Variants in SLC66A3 observed in about 807,000 individuals in gnomAD.
The protein encoded by SLC66A3 is solute carrier family 66 member 3.
SLC66A3 carries 23 observed loss-of-function variants against 25.5 expected under a neutral mutation model. The ratio of observed to expected loss-of-function variants is 0.90; its 90% CI spans 0.65 to 1.28. SLC66A3 has a LOEUF of 1.28. Among genes scored for constraint, SLC66A3 ranks in the 50% most tolerant of loss-of-function variants. SLC66A3 has a pLI of 0.00. For synonymous variants in SLC66A3, 108 were observed against 112.6 expected (o/e 0.96, Z 0.26); for missense variants, 246 against 262.1 (o/e 0.94, Z 0.42).
chr2:11,160,862 C>T, intron 3 of SLC66A3, 168 bp downstream of exon 3: 3 of 1,108,828 alleles, frequency 2.7e-6, no homozygotes, highest in Non-Finnish European at 3.8e-6. Flanking sequence ...GAGATGCCCT[C>T]AGTACAGCCC....
intron 1 of SLC66A3, among the ~76,000 whole-genome samples, chr2:11,156,353 A>G (rs1661900286): frequency 6.6e-6 from 1 of 152,176 alleles, no homozygotes; most frequent in South Asian, 2.1e-4. Context: ...CAAAGTATTC[A>G]TCATGCCAGA....
Position 11,177,811 on chromosome 2 carries a change from G to A in SLC66A3, c.592G>A (p.Ala198Thr), listed in dbSNP as rs773159568. 14 of 1,599,818 alleles carry A rather than the reference G, an allele frequency of 8.8e-6. No homozygotes were observed. Among genetic ancestry groups the A allele is most frequent in the Middle Eastern group, 1.6e-4 (1 of 6,062 alleles). Residue 198 changes from alanine (A) to threonine (T), a missense_variant, in exon 7 of 7, where the codon GCT (alanine) becomes ACT (threonine). Physicochemically the swap from Ala to Thr is moderately conservative, Grantham distance 58. Transcript: ENST00000295083. ...TVTVLRYRKTAIKAE is the reference protein window; with the variant it reads ...TVTVLRYRKTTIKAE ...GACAGTACTTCGCTACCGGAAGACC[G>A]CTATAAAGGCTGAATGATGGATACA... is the stretch of plus-strand genomic sequence containing the variant.
At chr2:11,155,721 G>C in intron 1 of SLC66A3, 32 bp downstream of exon 1, 1 of 1,342,464 alleles carries the variant, frequency 7.4e-7, no homozygotes, top group South Asian at 1.9e-5. Context: ...GCTGCCTCCT[G>C]CCCCCTCGCA....
chr2:11,161,587 G>A (rs1437297054), intron 3 of SLC66A3, among the ~76,000 whole-genome samples: 1 of 151,466 alleles, frequency 6.6e-6, no homozygotes, highest in East Asian at 1.9e-4. Flanking sequence ...GGCTGGATTA[G>A]AGCTCACTGC....
chr2:11,162,504 G>GAGTCT (rs1662163550), intron 3 of SLC66A3, among the ~76,000 whole-genome samples: 2 of 152,348 alleles, frequency 1.3e-5, no homozygotes, highest in South Asian at 2.1e-4. Flanking sequence ...TGCTGATGGC[G>GAGTCT]AGTCTGTAGT....
intron 1 of SLC66A3, among the ~76,000 whole-genome samples, chr2:11,159,133 G>A (rs571998216): frequency 5.9e-5 from 9 of 152,346 alleles, no homozygotes; most frequent in South Asian, 4.1e-4. Flanking sequence ...CTGTGGCTGC[G>A]TCCCAGGGGT....
At chr2:11,172,757 G>A (rs752701149) in intron 5 of SLC66A3, 35 of 437,710 alleles carry the variant, frequency 8.0e-5, no homozygotes, top group South Asian at 1.6e-4. Flanking sequence ...ACAGGGTCTC[G>A]CTCTCTCTCA....
At chr2:11,167,675 C>T (rs563696824) in intron 4 of SLC66A3, among the ~76,000 whole-genome samples, 10 of 152,306 alleles carry the variant, frequency 6.6e-5, no homozygotes, top group African/African-American at 1.9e-4. Flanking sequence ...GTGTTCCTCA[C>T]GCACCTGCTC....
chr2:11,165,519 C>T (rs1350833928), intron 4 of SLC66A3, among the ~76,000 whole-genome samples: 1 of 151,618 alleles, frequency 6.6e-6, no homozygotes. Context: ...AGAGACGCTC[C>T]TCACTTCCCA....
At chr2:11,166,784 A>G (rs1183483180) in intron 4 of SLC66A3, among the ~76,000 whole-genome samples, 1 of 152,208 alleles carries the variant, frequency 6.6e-6, no homozygotes, top group Non-Finnish European at 1.5e-5. Context: ...AATCCCAGCT[A>G]CTTGGGAGAC....
In SLC66A3 at chr2:11,178,067, G is replaced by GAA; in HGVS notation, c.*239_*240insAA. On this transcript the variant is annotated 3_prime_UTR_variant, in exon 7 of 7. Coordinates refer to ENST00000295083, the MANE Select transcript of SLC66A3 (RefSeq NM_152391.5). ...AGTGCTCAGACATCTGCAGTGTTGAGGCCAGTCACTGTTGGAAGTCATCCA... is the reference window on the plus strand; with the variant it reads ...AGTGCTCAGACATCTGCAGTGTTGAGAAGCCAGTCACTGTTGGAAGTCATCCA... 2.7e-6 allele frequency: 1 copy of GAA among 375,528 alleles called. No individual in the cohort carries two copies. The highest frequency in any genetic ancestry group is 4.8e-6 in the Non-Finnish European group (1 of 209,018). The allele number at this position is 375,528 out of a possible 1,614,324, so 23.3% of individuals were successfully genotyped here.
At chr2:11,175,037 T>C in intron 6 of SLC66A3, 28 bp downstream of exon 6, 1 of 1,560,376 alleles carries the variant, frequency 6.4e-7, no homozygotes, top group Non-Finnish European at 8.8e-7. Flanking sequence ...TCACTTCCTT[T>C]TTGAGTTTTG....
chr2:11,158,284 G>A (rs542028557), intron 1 of SLC66A3, among the ~76,000 whole-genome samples: 135 of 152,260 alleles, frequency 8.9e-4, no homozygotes, highest in Middle Eastern at 3.4e-3. Flanking sequence ...TTGGGAGGCC[G>A]AGGCGGGCAG....
At chr2:11,165,569 C>T (rs1035304202) in intron 4 of SLC66A3, among the ~76,000 whole-genome samples, 15 of 151,166 alleles carry the variant, frequency 9.9e-5, no homozygotes, top group East Asian at 4.0e-4. Context: ...ACATCCCAGA[C>T]GATGGGCGGC....
intron 4 of SLC66A3, among the ~76,000 whole-genome samples, chr2:11,167,387 G>C (rs1662382527): frequency 1.3e-5 from 2 of 152,178 alleles, no homozygotes; most frequent in Admixed American, 1.3e-4. Flanking sequence ...AGGTTGCAGT[G>C]AGCCAAGATC....
At chr2:11,165,097 A>T in intron 4 of SLC66A3, among the ~76,000 whole-genome samples, 1 of 148,360 alleles carries the variant, frequency 6.7e-6, no homozygotes. Context: ...CTCACTTCCC[A>T]GAAGGGGCGG....
intron 3 of SLC66A3, 57 bp downstream of exon 3, chr2:11,160,751 A>G: frequency 1.2e-6 from 2 of 1,611,680 alleles, no homozygotes; most frequent in Non-Finnish European, 1.7e-6. Flanking sequence ...TGTGAATGGT[A>G]TGCATTGTGA....
chr2:11,158,128 A>G (rs1205674794), intron 1 of SLC66A3, among the ~76,000 whole-genome samples: 1 of 152,228 alleles, frequency 6.6e-6, no homozygotes, highest in Admixed American at 6.5e-5. Flanking sequence ...CAATGGCTGC[A>G]TGGAGCAGAT....
chr2:11,172,782 G>A, intron 5 of SLC66A3: 1 of 439,132 alleles, frequency 2.3e-6, no homozygotes, highest in Non-Finnish European at 4.6e-6. Context: ...CTGGAGTGCA[G>A]TGATACGATC....
Sources: allele counts gnomAD v4.1 joint callset (sites outside exome capture counted in the v4.1 genomes callset), GRCh38; gene constraint gnomAD v4.1.1; transcripts MANE v1.5; gene names NCBI Gene and HGNC (gene_info 2026-07-23, HGNC 2026-07-21).